ACOX3: variants seen among roughly 807,000 people sequenced by gnomAD.
The protein encoded by ACOX3 is acyl-CoA oxidase 3, pristanoyl.
ACOX3 carries 73 observed loss-of-function variants against 81.5 expected under a neutral mutation model. The ratio of observed to expected loss-of-function variants is 0.90; its 90% CI spans 0.74 to 1.09. The LOEUF is 1.09. Among genes scored for constraint, ACOX3 ranks in the 50% least tolerant of loss-of-function variants. The pLI is 0.00. For synonymous variants in ACOX3, 387 were observed against 375.1 expected, an observed-to-expected ratio of 1.03 and a Z score of -0.37; for missense variants, 947 against 928.0, an observed-to-expected ratio of 1.02 and a Z score of -0.27.
Position 8,389,847 on chromosome 4 carries a change from G to C in ACOX3, c.1301-113C>G. 7.1e-7 allele frequency: 1 copy of C among 1,412,110 alleles called. No homozygotes were observed. Among genetic ancestry groups the C allele is most frequent in the South Asian group, 1.2e-5 (1 of 80,672 alleles). 87.5% of individuals were successfully genotyped at this position (1,412,110 alleles called of 1,614,324 possible). On this transcript the variant is annotated intron_variant, in intron 11 of 17. Transcript: ENST00000356406. The surrounding 1 kb of genome is among the most constrained non-coding windows in gnomAD (Gnocchi z 5.3). ...AGGCTGGGTGCGGTGGCTCACACCT[G>C]TAATGGCAGCACTTTGGGGGGCCGA...
intron 14 of ACOX3, among the ~76,000 whole-genome samples, chr4:8,379,219 C>A (rs1353899674): frequency 1.3e-5 from 2 of 152,206 alleles, no homozygotes; most frequent in Non-Finnish European, 2.9e-5. Flanking sequence ...CCTGAAAAGG[C>A]TGGTCTAGGC....
rs1719380123 is a variant in ACOX3, at chr4:8,394,015, C to CT, written c.1179+604dup. ...TCAAGATATGCTAATTAGATACAGG[C>CT]TTTTTCTGATGTTGTACATAACAGC... On this transcript the variant is annotated intron_variant, in intron 10 of 17. Coordinates refer to ENST00000356406, the MANE Select transcript of ACOX3 (RefSeq NM_003501.3). The surrounding 1 kb of genome is among the most constrained non-coding windows in gnomAD (Gnocchi z 5.9). Among the ~76,000 whole-genome samples the CT allele has an allele frequency of 6.6e-6, 1 of 152,220 alleles. No individual in the cohort carries two copies. The highest frequency in any genetic ancestry group is 6.5e-5 in the Admixed American group (1 of 15,286).
Position 8,397,123 on chromosome 4 carries a change from C to T in ACOX3, c.874-4G>A, listed in dbSNP as rs369966043. 22 of 1,547,780 alleles carry T rather than the reference C, an allele frequency of 1.4e-5. No individual in the cohort carries two copies. The African/African-American group carries it at 2.2e-4, about 16-fold the overall frequency. On this transcript the variant is annotated splice_polypyrimidine_tract_variant and splice_region_variant and intron_variant, in intron 8 of 17. Coordinates refer to ENST00000356406, the MANE Select transcript of ACOX3 (RefSeq NM_003501.3). ...CTCCAAAGCGCTGCCTGACGTCCTA[C>T]GGGAGGGACACAGATGATAAGCTCA...
At chr4:8,393,240 C>G (rs1408475982) in intron 10 of ACOX3, 4 of 151,910 alleles carry the variant, frequency 2.6e-5, no homozygotes, top group Admixed American at 2.0e-4. Context: ...AATGCCAGCA[C>G]TTTGAGAGGC....
chr4:8,415,283 A>G (rs1009839594), intron 3 of ACOX3, among the ~76,000 whole-genome samples: 7 of 152,252 alleles, frequency 4.6e-5, no homozygotes, highest in African/African-American at 1.7e-4. Flanking sequence ...AGGAGAGCAG[A>G]GCCCACCAGC....
At chr4:8,403,022 C>T (rs1231875808) in intron 7 of ACOX3, among the ~76,000 whole-genome samples, 1 of 152,128 alleles carries the variant, frequency 6.6e-6, no homozygotes, top group Non-Finnish European at 1.5e-5. Flanking sequence ...CGAAGAAAGA[C>T]CCTTAAGGTG....
intron 3 of ACOX3, among the ~76,000 whole-genome samples, chr4:8,415,289 C>T (rs959456820): frequency 4.6e-5 from 7 of 152,212 alleles, no homozygotes; most frequent in Admixed American, 1.3e-4. Context: ...GCAGAGCCCA[C>T]CAGCCCATCA....
intron 1 of ACOX3, among the ~76,000 whole-genome samples, chr4:8,440,181 T>C (rs959569562): frequency 6.6e-6 from 1 of 152,078 alleles, no homozygotes; most frequent in Non-Finnish European, 1.5e-5. Flanking sequence ...ACCCTTAAAG[T>C]CGTAAGCCTT....
At position 8,382,226 on chromosome 4, in the gene ACOX3, G is replaced by A. The variant is rs1032622026; in HGVS notation, c.1538-619C>T. On this transcript the variant is annotated intron_variant, in intron 13 of 17. Coordinates refer to ENST00000356406, the MANE Select transcript of ACOX3 (RefSeq NM_003501.3). This position sits in a 1 kb window ranked among gnomAD's most constrained non-coding sequence, Gnocchi z 4.1. ...CAGATGTTGCAGACAGGGAGGCCCC[G>A]GGGTGGGGTGTCAGGCAGGACAGCT... Among the ~76,000 whole-genome samples, 2 of 152,198 alleles carry A rather than the reference G, an allele frequency of 1.3e-5. No individual in the cohort carries two copies. The highest frequency in any genetic ancestry group is 4.1e-4 in the South Asian group (2 of 4,834).
Position 8,370,546 on chromosome 4 carries a change from A to G in ACOX3, c.1983+362T>C, listed in dbSNP as rs1716052395. Among the ~76,000 whole-genome samples, 1 of 143,802 alleles carries G rather than the reference A, an allele frequency of 7.0e-6. No individual in the cohort carries two copies. The highest frequency in any genetic ancestry group is 2.7e-5 in the African/African-American group (1 of 37,664). 94.3% of individuals were successfully genotyped at this position (143,802 alleles called of 152,430 possible). On this transcript the variant is annotated intron_variant, in intron 17 of 17. Transcript: ENST00000356406. The surrounding 1 kb of genome is among the most constrained non-coding windows in gnomAD (Gnocchi z 6.3). ...GATGGGGGAAGAGGCCTGCAGGGCCAGGAGCATGGTCAGATGGGGGTAAGA... is the reference window on the plus strand; with the variant it reads ...GATGGGGGAAGAGGCCTGCAGGGCCGGGAGCATGGTCAGATGGGGGTAAGA...
intron 1 of ACOX3, 144 bp downstream of exon 1, chr4:8,440,504 A>T: frequency 3.5e-6 from 1 of 288,090 alleles, no homozygotes. Flanking sequence ...TACGTTCACA[A>T]ACTTAGGCTC....
Position 8,381,582 on chromosome 4 carries a change from C to A in ACOX3, c.1563G>T (p.Leu521=), listed in dbSNP as rs765155172. ...AAGTCTCTCGGAGCAGGTAGCAAACCAGCCACTTGTATGCTGCCAGGGCGA... is the reference window on the plus strand; with the variant it reads ...AAGTCTCTCGGAGCAGGTAGCAAACAAGCCACTTGTATGCTGCCAGGGCGA... The part of the protein sequence containing the change: ...SAVALAAYKW[L]VCYLLRETYQ... The change falls in exon 14 of 18, where the codon CTG becomes CTT. Residue 521 remains leucine, a synonymous_variant. Coordinates refer to ENST00000356406, the MANE Select transcript of ACOX3 (RefSeq NM_003501.3). This position sits in a 1 kb window ranked among gnomAD's most constrained non-coding sequence, Gnocchi z 4.3. The A allele has an allele frequency of 6.2e-7, 1 of 1,613,848 alleles. No homozygotes were observed. The highest frequency in any genetic ancestry group is 8.5e-7 in the Non-Finnish European group (1 of 1,179,914).
downstream of ACOX3, among the ~76,000 whole-genome samples, chr4:8,363,968 T>G (rs1715285829): frequency 6.6e-6 from 1 of 152,208 alleles, no homozygotes; most frequent in African/African-American, 2.4e-5. Flanking sequence ...CCAGCAGCCC[T>G]TGGGGCTGCT....
intron 1 of ACOX3, chr4:8,438,731 C>A (rs979958846): frequency 4.6e-5 from 7 of 152,176 alleles, no homozygotes; most frequent in African/African-American, 1.7e-4. Flanking sequence ...ATAGGATGGG[C>A]CTTATACTGT....
At chr4:8,438,605 A>G (rs962617905) in intron 1 of ACOX3, among the ~76,000 whole-genome samples, 1 of 152,252 alleles carries the variant, frequency 6.6e-6, no homozygotes, top group Admixed American at 6.5e-5. Context: ...TTTTAGAAAT[A>G]GCCATACAAA....
At chr4:8,387,493 A>C (rs1718456050) in intron 13 of ACOX3, among the ~76,000 whole-genome samples, 1 of 152,232 alleles carries the variant, frequency 6.6e-6, no homozygotes, top group African/African-American at 2.4e-5. Context: ...TCTTCTGCAC[A>C]AATAGGTGCT....
rs1722326890 is a variant in ACOX3 at position 8,416,302 on chromosome 4, C to A, written c.144+76G>T. ...CCCGGCAGAGGAGGAGCTGTGAGAG[C>A]CAGAAATCCCATTCTGCTAACGAAC... On this transcript the variant is annotated intron_variant, in intron 2 of 17. Coordinates refer to ENST00000356406, the MANE Select transcript of ACOX3 (RefSeq NM_003501.3). The surrounding 1 kb of genome is among the most constrained non-coding windows in gnomAD (Gnocchi z 4.2). 2 of 1,610,134 alleles carry A rather than the reference C, an allele frequency of 1.2e-6. No homozygotes were observed. Among genetic ancestry groups the A allele is most frequent in the African/African-American group, 2.7e-5 (2 of 74,846 alleles).
Position 8,382,849 on chromosome 4 carries a change from G to A in ACOX3, c.1538-1242C>T, listed in dbSNP as rs1273843219. 1.3e-5 allele frequency among the ~76,000 whole-genome samples: 2 copies of A among 152,044 alleles called. No individual in the cohort carries two copies. The highest frequency in any genetic ancestry group is 2.4e-5 in the African/African-American group (1 of 41,408). ...CTACTAAAAATACAAAAAATTAGCC[G>A]GGCGCAGTGGCAGGCGCCTGTAGTC... On this transcript the variant is annotated intron_variant, in intron 13 of 17. Coordinates refer to ENST00000356406, the MANE Select transcript of ACOX3 (RefSeq NM_003501.3). The surrounding 1 kb of genome is among the most constrained non-coding windows in gnomAD (Gnocchi z 4.1).
At position 8,389,566 on chromosome 4, in the gene ACOX3, CCCAGTTGGGTTCCAGCGCCCCCA is replaced by C; in HGVS notation, c.1423+23_1423+45del. On this transcript the variant is annotated intron_variant, in intron 12 of 17. Coordinates refer to ENST00000356406, the MANE Select transcript of ACOX3 (RefSeq NM_003501.3). This position sits in a 1 kb window ranked among gnomAD's most constrained non-coding sequence, Gnocchi z 5.3. ...TGAGGCCAGGAGAACCCACCCCTGCCCCAGTTGGGTTCCAGCGCCCCCACCAGTGTGCAGCAGAGCCTCACCGT... is the reference window on the plus strand; with the variant it reads ...TGAGGCCAGGAGAACCCACCCCTGCCCCAGTGTGCAGCAGAGCCTCACCGT... The C allele has an allele frequency of 6.2e-7, 1 of 1,611,720 alleles. No homozygotes were observed. The highest frequency in any genetic ancestry group is 8.5e-7 in the Non-Finnish European group (1 of 1,179,474).
Sources: allele counts gnomAD v4.1 joint callset (sites outside exome capture counted in the v4.1 genomes callset), GRCh38; gene constraint gnomAD v4.1.1; non-coding constraint Gnocchi (gnomAD v3.1); transcripts MANE v1.5; gene names NCBI Gene and HGNC (gene_info 2026-07-23, HGNC 2026-07-21).